The following ACAD10 variants were observed in gnomAD, a reference collection of about 807,000 sequenced individuals.
ACAD10 encodes ACAD-10.
In ACAD10, 112 loss-of-function variants were observed where a neutral mutation model predicts 116.8. The observed-to-expected ratio is 0.96, with a 90% confidence interval of 0.82 to 1.12. ACAD10 has a LOEUF of 1.12. Ranked by LOEUF, ACAD10 falls within the 50% of genes most tolerant of loss-of-function variation. ACAD10 has a pLI of 0.00. For synonymous variants in ACAD10, 486 were observed against 510.6 expected, an observed-to-expected ratio of 0.95 and a Z score of 0.65; for missense variants, 1,259 against 1,350.2, an observed-to-expected ratio of 0.93 and a Z score of 1.06.
At chr12:111,703,613 G>A (rs577468739) in intron 3 of ACAD10, among the ~76,000 whole-genome samples, 2 of 152,174 alleles carry the variant, frequency 1.3e-5, no homozygotes, top group South Asian at 4.1e-4. Flanking sequence ...CAAGGAGGGC[G>A]GATCACCTGA....
intron 3 of ACAD10, 56 bp from the exon 4 acceptor site, chr12:111,705,682 T>G: frequency 8.3e-5 from 124 of 1,490,074 alleles, no homozygotes; most frequent in Middle Eastern, 3.8e-4. Flanking sequence ...CTGTTGGCCA[T>G]GAGTGTTTGT....
intron 2 of ACAD10, among the ~76,000 whole-genome samples, chr12:111,697,533 G>A (rs572549724): frequency 1.4e-5 from 2 of 144,554 alleles, no homozygotes; most frequent in East Asian, 4.2e-4. Context: ...GCTAATTTTT[G>A]TATTTTCAGT....
rs57721697 is a variant in ACAD10 at position 111,716,054 on chromosome 12, T to C, written c.992+92T>C. 3.0e-3 allele frequency: 4,523 copies of C among 1,530,492 alleles called. 116 individuals carry two copies. In the African/African-American group the frequency reaches 0.054, roughly 18 times the overall value. 94.8% of individuals were successfully genotyped at this position (1,530,492 alleles called of 1,614,324 possible). On this transcript the variant is annotated intron_variant, in intron 7 of 20. Transcript: ENST00000313698. ...CTGAAAAGTCAGCACTCCATAAAAA[T>C]ACCCCAAGACATTTAAAACTACAAT...
chr12:111,721,207 C>T (rs1162133049), intron 7 of ACAD10, among the ~76,000 whole-genome samples: 1 of 152,018 alleles, frequency 6.6e-6, no homozygotes, highest in Non-Finnish European at 1.5e-5. Flanking sequence ...TTGTTCTTAC[C>T]TACTTTTGGG....
chr12:111,744,997 C>A lies in ACAD10; in HGVS notation c.2069C>A (p.Ala690Asp). The A allele has an allele frequency of 6.2e-7, 1 of 1,614,032 alleles. No individual in the cohort carries two copies. Among genetic ancestry groups the A allele is most frequent in the Non-Finnish European group, 8.5e-7 (1 of 1,180,022 alleles). Reference protein sequence around the residue: ...PAEPELQSHQASAARWSPSPL... With the variant: ...PAEPELQSHQDSAARWSPSPL... ...GAGCCAGAGCTGCAGAGTCACCAGG[C>A]CTCAGCAGCCAGGTGGAGCCCCTCC... The change falls in exon 13 of 21, where the codon GCC becomes GAC. Residue 690 changes from alanine to aspartate, a missense_variant. Physicochemically the swap from Ala to Asp is moderately radical, Grantham distance 126. Transcript: ENST00000313698.
chr12:111,714,311 G>C (rs1228026866), intron 6 of ACAD10, among the ~76,000 whole-genome samples: 1 of 151,758 alleles, frequency 6.6e-6, no homozygotes, highest in Non-Finnish European at 1.5e-5. Context: ...TTGGAGACAA[G>C]TTTTCTCTTT....
At chr12:111,721,944 A>G (rs1889024512) in intron 8 of ACAD10, 1 of 392,446 alleles carries the variant, frequency 2.5e-6, no homozygotes, top group Non-Finnish European at 4.5e-6. Flanking sequence ...TAATTGGTAG[A>G]AAACATCTTT....
At chr12:111,724,428 C>G (rs1212164453) in intron 8 of ACAD10, among the ~76,000 whole-genome samples, 1 of 152,202 alleles carries the variant, frequency 6.6e-6, no homozygotes, top group Admixed American at 6.5e-5. Context: ...GCTGCAATCT[C>G]AGCACTTTGG....
chr12:111,707,738 A>G (rs937465334), intron 4 of ACAD10, among the ~76,000 whole-genome samples: 4 of 152,280 alleles, frequency 2.6e-5, no homozygotes, highest in Admixed American at 6.5e-5. Flanking sequence ...AGGAAGTGGC[A>G]TATTACCTTA....
At chr12:111,738,446 CAAAAA>C (rs752828322) in intron 12 of ACAD10, among the ~76,000 whole-genome samples, 2 of 49,540 alleles carry the variant, frequency 4.0e-5, no homozygotes, top group African/African-American at 7.2e-5. Flanking sequence ...GACTCTGTCT[CAAAAA>C]AAAAAAAAAA....
intron 1 of ACAD10, among the ~76,000 whole-genome samples, chr12:111,690,780 C>CA (rs540935938): frequency 0.04 from 2,516 of 63,130 alleles, 93 homozygotes; most frequent in African/African-American, 0.11. Flanking sequence ...GTGAGACTCT[C>CA]AAAAAAAAAA....
At chr12:111,733,816 G>A in intron 10 of ACAD10, 107 bp from the exon 11 acceptor site, 1 of 1,414,698 alleles carries the variant, frequency 7.1e-7, no homozygotes, top group Middle Eastern at 2.3e-4. Flanking sequence ...GGCACAGAGG[G>A]GATGGGAGGG....
chr12:111,738,536 T>C (rs1326623784), intron 12 of ACAD10, among the ~76,000 whole-genome samples: 5 of 149,852 alleles, frequency 3.3e-5, no homozygotes, highest in Non-Finnish European at 7.4e-5. Flanking sequence ...CCAAGGATGA[T>C]AGCTGAAATG....
chr12:111,693,589 C>T (rs1160332283), intron 2 of ACAD10, among the ~76,000 whole-genome samples: 1 of 151,970 alleles, frequency 6.6e-6, no homozygotes, highest in Non-Finnish European at 1.5e-5. Flanking sequence ...TTCTTGGGAA[C>T]TGTTCTACTT....
rs372199304 is a variant in ACAD10, at chr12:111,744,948, A to T, written c.2020A>T (p.Met674Leu). 6.2e-7 allele frequency: 1 copy of T among 1,614,002 alleles called. No homozygotes were observed. Among genetic ancestry groups the T allele is most frequent in the Non-Finnish European group, 8.5e-7 (1 of 1,180,040 alleles). The change falls in exon 13 of 21, where the codon ATG (methionine) becomes TTG (leucine). Residue 674 changes from methionine (M) to leucine (L), a missense_variant. Coordinates refer to ENST00000313698, the MANE Select transcript of ACAD10 (RefSeq NM_025247.6). ...GCTGTATCACCGGCTGAAGCACTTC[A>T]TGGAGCAACGTGTGTACCCTGCAGA... ...RELYHRLKHF[M>L]EQRVYPAEPE...
chr12:111,757,022 C>T lies in ACAD10; in HGVS notation c.*549C>T. On this transcript the variant is annotated 3_prime_UTR_variant, in exon 21 of 21. Transcript: ENST00000313698. The stretch of plus-strand genomic sequence containing the variant: ...TGATTATCTCCATTTGAACACACAG[C>T]ACAGAACAATCATTTAAATGTTATT... 2.6e-6 allele frequency: 1 copy of T among 378,456 alleles called. No individual in the cohort carries two copies. Among genetic ancestry groups the T allele is most frequent in the Non-Finnish European group, 5.3e-6 (1 of 189,978 alleles). The allele number at this position is 378,456 out of a possible 1,614,324, so 23.4% of individuals were successfully genotyped here.
rs1422876686 is a variant in ACAD10 at position 111,756,997 on chromosome 12, T to C, written c.*524T>C. On this transcript the variant is annotated 3_prime_UTR_variant, in exon 21 of 21. Coordinates refer to ENST00000313698, the MANE Select transcript of ACAD10 (RefSeq NM_025247.6). Reference sequence around the variant, plus strand: ...CCCACATTGTAAAGCCACTGGCATCTGATTATCTCCATTTGAACACACAGC... The same window carrying C: ...CCCACATTGTAAAGCCACTGGCATCCGATTATCTCCATTTGAACACACAGC... 1 of 418,358 alleles carries C rather than the reference T, an allele frequency of 2.4e-6. No individual in the cohort carries two copies. 25.9% of individuals were successfully genotyped at this position (418,358 alleles called of 1,614,324 possible). A position where few individuals can be genotyped will look rare whatever the true frequency, so the allele number is the denominator to read the frequency against.
chr12:111,712,459 A>G (rs775132922), intron 5 of ACAD10, 39 bp from the exon 6 acceptor site: 1 of 1,572,872 alleles, frequency 6.4e-7, no homozygotes, highest in Non-Finnish European at 8.6e-7. Flanking sequence ...AAATAACAAC[A>G]ACAAAAAATA....
At chr12:111,749,149 A>T (rs577381524) in intron 17 of ACAD10, 24 bp from the exon 18 acceptor site, 1 of 1,613,166 alleles carries the variant, frequency 6.2e-7, no homozygotes, top group African/African-American at 1.3e-5. Context: ...GCTATTGCTC[A>T]CAGTGATCGT....
Sources: allele counts gnomAD v4.1 joint callset (sites outside exome capture counted in the v4.1 genomes callset), GRCh38; gene constraint gnomAD v4.1.1; transcripts MANE v1.5; gene names NCBI Gene and HGNC (gene_info 2026-07-23, HGNC 2026-07-21).